The following RFX7 variants were observed in gnomAD, a reference collection of about 807,000 sequenced individuals.
RFX7 encodes DNA-binding protein RFX7.
RFX7 carries 26 observed loss-of-function variants against 111.8 expected under a neutral mutation model. That is an observed-to-expected ratio of 0.23 (90% CI 0.17 to 0.32). RFX7 has a LOEUF of 0.32. RFX7 is among the 10% of genes least tolerant of loss of function. The probability of loss-of-function intolerance (pLI) is 1.00; values close to 1 mark genes in which losing one functional copy is unlikely to be tolerated. For synonymous variants in RFX7, 624 were observed against 624.4 expected (o/e 1.00, Z 0.01); for missense variants, 1,573 against 1,772.9 (o/e 0.89, Z 2.02).
rs759572724 is a variant in RFX7, at chr15:56,094,369, C to A, written c.3359G>T (p.Arg1120Leu). 1 of 1,613,804 alleles carries A rather than the reference C, an allele frequency of 6.2e-7. No individual in the cohort carries two copies. The highest frequency in any genetic ancestry group is 1.3e-5 in the African/African-American group (1 of 74,894). Reference protein sequence around the residue: ...QSRHHDTHFGRLTPVSPVQHQ... With the variant: ...QSRHHDTHFGLLTPVSPVQHQ... Reference sequence around the variant, plus strand: ...CTGCACAGGAGAGACAGGAGTCAAACGACCAAAATGAGTGTCATGATGTCT... The same window carrying A: ...CTGCACAGGAGAGACAGGAGTCAAAAGACCAAAATGAGTGTCATGATGTCT... Residue 1120 changes from arginine (R) to leucine (L), a missense_variant, in exon 10 of 10, where the codon CGT becomes CTT. Arg to Leu is a moderately radical substitution (Grantham distance 102). Coordinates refer to ENST00000559447, the MANE Select transcript of RFX7 (RefSeq NM_022841.7).
intron 9 of RFX7, among the ~76,000 whole-genome samples, chr15:56,096,831 T>C (rs576662167): frequency 6.6e-6 from 1 of 152,324 alleles, no homozygotes; most frequent in East Asian, 1.9e-4. Context: ...AATTAAAAAA[T>C]ATGTAAGAAC....
chr15:56,101,931 T>G (rs1487240117), intron 7 of RFX7, among the ~76,000 whole-genome samples: 1 of 152,204 alleles, frequency 6.6e-6, no homozygotes, highest in African/African-American at 2.4e-5. Flanking sequence ...ACACATATAG[T>G]CAATATGTAT....
At chr15:56,179,455 T>C (rs1346073350) in intron 2 of RFX7, among the ~76,000 whole-genome samples, 152 bp from the exon 3 acceptor site, 1 of 152,146 alleles carries the variant, frequency 6.6e-6, no homozygotes, top group Admixed American at 6.5e-5. Flanking sequence ...TAAATCTGTG[T>C]TTTTCACAAA....
At chr15:56,165,499 T>C (rs1420302563) in intron 3 of RFX7, among the ~76,000 whole-genome samples, 1 of 152,190 alleles carries the variant, frequency 6.6e-6, no homozygotes, top group Admixed American at 6.5e-5. Context: ...TCTCTCCTAA[T>C]GACAGTCCTA....
chr15:56,224,730 C>A (rs537208683), intron 2 of RFX7, among the ~76,000 whole-genome samples: 1 of 151,952 alleles, frequency 6.6e-6, no homozygotes, highest in East Asian at 1.9e-4. Context: ...CTTCTATTTT[C>A]ACTTGTTTGT....
Position 56,094,419 on chromosome 15 carries a change from A to G in RFX7, c.3309T>C (p.Pro1103=). 2 of 1,614,000 alleles carry G rather than the reference A, an allele frequency of 1.2e-6. No individual in the cohort carries two copies. Among genetic ancestry groups the G allele is most frequent in the African/African-American group, 1.3e-5 (1 of 75,056 alleles). Residue 1103 remains proline (P), a synonymous_variant, in exon 10 of 10, where the codon CCT becomes CCC. Coordinates refer to ENST00000559447, the MANE Select transcript of RFX7 (RefSeq NM_022841.7). ...TGGATTGAGACTGATAAGACTGTCCAGGCACAGCAAAAGCATGAGGTTTCC... is the reference window on the plus strand; with the variant it reads ...TGGATTGAGACTGATAAGACTGTCCGGGCACAGCAAAAGCATGAGGTTTCC... The part of the protein sequence containing the change: ...RFRKPHAFAV[P]GQSYQSQSRH...
intron 9 of RFX7, among the ~76,000 whole-genome samples, 163 bp downstream of exon 9, chr15:56,097,918 A>G (rs1437232600): frequency 1.3e-5 from 2 of 152,122 alleles, no homozygotes; most frequent in Non-Finnish European, 2.9e-5. Flanking sequence ...GTAATCAACA[A>G]CATACATCCT....
chr15:56,127,767 C>T (rs2042163698), intron 5 of RFX7, among the ~76,000 whole-genome samples: 1 of 151,574 alleles, frequency 6.6e-6, no homozygotes, highest in Non-Finnish European at 1.5e-5. Context: ...AGGATGGTCT[C>T]GATCTCCTGA....
intron 2 of RFX7, among the ~76,000 whole-genome samples, chr15:56,202,009 C>A (rs191548863): frequency 6.6e-6 from 1 of 151,922 alleles, no homozygotes; most frequent in African/African-American, 2.4e-5. Flanking sequence ...CCAGCCTGGG[C>A]GACAGAGCGA....
chr15:56,142,641 T>C (rs1425934510), intron 5 of RFX7, 137 bp downstream of exon 5: 2 of 737,102 alleles, frequency 2.7e-6, no homozygotes, highest in Non-Finnish European at 2.1e-6. Flanking sequence ...AGAGCTGGAA[T>C]GAATCTTAAG....
Position 56,091,897 on chromosome 15 carries a change from T to C in RFX7, c.*1448A>G, listed in dbSNP as rs1460919837. On this transcript the variant is annotated 3_prime_UTR_variant, in exon 10 of 10. Coordinates refer to ENST00000559447, the MANE Select transcript of RFX7 (RefSeq NM_022841.7). ...ATATTCATTGATTGTAGTCTTCTGATTGGCTTACTAAGGTAAAGGAAAGCT... is the reference window on the plus strand; with the variant it reads ...ATATTCATTGATTGTAGTCTTCTGACTGGCTTACTAAGGTAAAGGAAAGCT... 3 of 152,440 alleles carry C rather than the reference T, an allele frequency of 2.0e-5. No homozygotes were observed. The highest frequency in any genetic ancestry group is 7.2e-5 in the African/African-American group (3 of 41,446). 9.4% of individuals were successfully genotyped at this position (152,440 alleles called of 1,614,324 possible).
In RFX7 at chr15:56,157,825, C is replaced by T. The variant is rs144749432; in HGVS notation, c.196-13342G>A. Reference sequence around the variant, plus strand: ...GAACTCCTGACCTCAATGATCTGCCCGCCTCGGCCTCCCAAATTTCTGGGA... The same window carrying T: ...GAACTCCTGACCTCAATGATCTGCCTGCCTCGGCCTCCCAAATTTCTGGGA... On this transcript the variant is annotated intron_variant, in intron 3 of 9. Transcript: ENST00000559447. Among the ~76,000 whole-genome samples the T allele has an allele frequency of 6.9e-3, 1,055 of 152,272 alleles. 9 individuals carry two copies. Among genetic ancestry groups the T allele is most frequent in the African/African-American group, 0.025 (1,026 of 41,550 alleles).
At chr15:56,180,317 G>A (rs2042955531) in intron 2 of RFX7, among the ~76,000 whole-genome samples, 1 of 151,904 alleles carries the variant, frequency 6.6e-6, no homozygotes, top group African/African-American at 2.4e-5. Context: ...AAATATGACT[G>A]GATTCAGTTT....
At position 56,142,886 on chromosome 15, in the gene RFX7, A is replaced by G. The variant is rs2042420595; in HGVS notation, c.293T>C (p.Met98Thr). Residue 98 changes from methionine (M) to threonine (T), a missense_variant, in exon 5 of 10, where the codon ATG (methionine) becomes ACG (threonine). Physicochemically the swap from Met to Thr is moderately conservative, Grantham distance 81. Around this residue, in one of 7 missense-constraint regions of RFX7, gnomAD observed 191 missense variants for 194.2 expected, o/e 0.98. Transcript: ENST00000559447. ...CATTTGTTGTGCCCGACTAGATGAC[A>G]TGGCATTCTGATCACTAATAGAATG... ...SNGEKSDQNA[M>T]SSSRAQQMHA... The G allele has an allele frequency of 1.9e-6, 3 of 1,613,524 alleles. No individual in the cohort carries two copies. The highest frequency in any genetic ancestry group is 2.7e-5 in the African/African-American group (2 of 74,924).
chr15:56,153,966 G>A (rs2042613714), intron 3 of RFX7, among the ~76,000 whole-genome samples: 1 of 152,110 alleles, frequency 6.6e-6, no homozygotes, highest in South Asian at 2.1e-4. Flanking sequence ...AAATCAGTGT[G>A]CAAAAATCAC....
chr15:56,099,194 T>C (rs1398871283), intron 8 of RFX7, among the ~76,000 whole-genome samples: 1 of 152,132 alleles, frequency 6.6e-6, no homozygotes, highest in Non-Finnish European at 1.5e-5. Flanking sequence ...GTAAAAACAA[T>C]GAAGAGAAGA....
intron 2 of RFX7, among the ~76,000 whole-genome samples, chr15:56,205,384 T>G (rs1161689439): frequency 3.9e-5 from 6 of 152,230 alleles, no homozygotes; most frequent in African/African-American, 1.4e-4. Context: ...TTATGCTTTT[T>G]GCCCAAATTT....
chr15:56,244,990 C>T (rs554140466), upstream of RFX7, among the ~76,000 whole-genome samples: 8 of 152,304 alleles, frequency 5.3e-5, no homozygotes, highest in Admixed American at 2.0e-4. Context: ...TCAGCTCACA[C>T]TGACCTTTCT....
At chr15:56,224,227 A>G (rs1321200869) in intron 2 of RFX7, among the ~76,000 whole-genome samples, 1 of 152,212 alleles carries the variant, frequency 6.6e-6, no homozygotes, top group East Asian at 1.9e-4. Flanking sequence ...AGAAAGGAGG[A>G]TAGAGAAGAT....
Sources: gnomAD v4.1 joint callset for allele counts (sites outside exome capture counted in the v4.1 genomes callset) on GRCh38, gnomAD v4.1.1 for gene constraint, gnomAD v4.1.1 regional missense constraint, MANE v1.5 for transcripts, NCBI Gene and HGNC (gene_info 2026-07-23, HGNC 2026-07-21) for gene names.